ABCA13: variants seen among roughly 807,000 people sequenced by gnomAD.
The protein encoded by ABCA13 is ATP-binding cassette sub-family A member 13.
ABCA13 carries 476 observed loss-of-function variants against 478.7 expected under a neutral mutation model. That is an observed-to-expected ratio of 0.99 (90% CI 0.92 to 1.07). The LOEUF (loss-of-function observed/expected upper bound fraction) is 1.07, where lower values mean the gene tolerates loss of function less well. ABCA13 is among the 50% of genes least tolerant of loss of function. The probability of loss-of-function intolerance (pLI) is 0.00; values close to 1 mark genes in which losing one functional copy is unlikely to be tolerated. For missense variants in ABCA13, 6,060 were observed against 5,910.6 expected (o/e 1.03, Z -0.83); for synonymous variants, 2,252 against 2,158.9 (o/e 1.04, Z -1.20).
chr7:48,206,787 A>AGT (rs59553139), intron 3 of ABCA13, among the ~76,000 whole-genome samples: 14,710 of 151,430 alleles, frequency 0.097, 966 homozygotes, highest in African/African-American at 0.19. Flanking sequence ...CATTTGTGTG[A>AGT]GTGTGTGTGT....
At chr7:48,357,972 T>C (rs1406003296) in intron 31 of ABCA13, among the ~76,000 whole-genome samples, 2 of 150,872 alleles carry the variant, frequency 1.3e-5, no homozygotes, top group South Asian at 2.1e-4. Flanking sequence ...TGAAACCCGG[T>C]TTCTACTCAA....
At chr7:48,534,965 C>G (rs928674892) in intron 55 of ABCA13, among the ~76,000 whole-genome samples, 1 of 152,124 alleles carries the variant, frequency 6.6e-6, no homozygotes, top group Non-Finnish European at 1.5e-5. Context: ...CCTGGCTCCT[C>G]CTTGGTTAGC....
intron 41 of ABCA13, among the ~76,000 whole-genome samples, chr7:48,416,984 T>C (rs1260988826): frequency 6.6e-6 from 1 of 152,128 alleles, no homozygotes; most frequent in African/African-American, 2.4e-5. Context: ...ACAATATTTA[T>C]CTTGAACAGT....
At chr7:48,496,842 G>T (rs1830319531) in intron 48 of ABCA13, among the ~76,000 whole-genome samples, 1 of 151,368 alleles carries the variant, frequency 6.6e-6, no homozygotes, top group Non-Finnish European at 1.5e-5. Context: ...CTTTGTGACG[G>T]CTTTAAAGAA....
intron 52 of ABCA13, among the ~76,000 whole-genome samples, chr7:48,519,775 T>C (rs1189198027): frequency 6.6e-6 from 1 of 152,216 alleles, no homozygotes; most frequent in Non-Finnish European, 1.5e-5. Flanking sequence ...TGTGTAGAGA[T>C]CATTGTGATT....
chr7:48,173,985 A>T (rs1050762312), intron 1 of ABCA13, among the ~76,000 whole-genome samples: 3 of 152,230 alleles, frequency 2.0e-5, no homozygotes, highest in Non-Finnish European at 4.4e-5. Flanking sequence ...GGGTTAGAAC[A>T]GAACTCCAGG....
chr7:48,414,809 G>C (rs778137105), intron 41 of ABCA13, among the ~76,000 whole-genome samples: 1 of 152,038 alleles, frequency 6.6e-6, no homozygotes, highest in Non-Finnish European at 1.5e-5. Flanking sequence ...AGAACAGTTT[G>C]CCTGGTTTCC....
At chr7:48,280,365 C>T (rs1796873371) in intron 18 of ABCA13, among the ~76,000 whole-genome samples, 1 of 152,200 alleles carries the variant, frequency 6.6e-6, no homozygotes, top group South Asian at 2.1e-4. Context: ...CTGCTGGCTT[C>T]TGCCCTTTTT....
At chr7:48,439,813 A>C (rs1823338575) in intron 42 of ABCA13, among the ~76,000 whole-genome samples, 1 of 152,138 alleles carries the variant, frequency 6.6e-6, no homozygotes, top group Admixed American at 6.6e-5. Flanking sequence ...AGCGTTCTTA[A>C]TGAGATCTGT....
chr7:48,511,658 G>A (rs531261093), intron 51 of ABCA13, among the ~76,000 whole-genome samples: 22 of 151,996 alleles, frequency 1.4e-4, no homozygotes, highest in Admixed American at 1.4e-3. Flanking sequence ...TGAAAAAATA[G>A]CAAATGGAGA....
chr7:48,558,961 T>A (rs1786156909), intron 55 of ABCA13, among the ~76,000 whole-genome samples: 1 of 152,216 alleles, frequency 6.6e-6, no homozygotes, highest in Admixed American at 6.5e-5. Context: ...AGTGGCAGCC[T>A]TTTTGCTTTC....
At chr7:48,481,969 A>T (rs1183005259) in intron 46 of ABCA13, among the ~76,000 whole-genome samples, 1 of 152,198 alleles carries the variant, frequency 6.6e-6, no homozygotes, top group Non-Finnish European at 1.5e-5. Flanking sequence ...CTGTGATAGA[A>T]GAGAAGACTA....
chr7:48,246,540 C>A (rs1276729374), intron 13 of ABCA13, among the ~76,000 whole-genome samples: 1 of 152,134 alleles, frequency 6.6e-6, no homozygotes, highest in Non-Finnish European at 1.5e-5. Flanking sequence ...ATTCTTCTTA[C>A]TGAGAATTAA....
intron 59 of ABCA13, among the ~76,000 whole-genome samples, chr7:48,640,552 A>G (rs1396190846): frequency 6.6e-6 from 1 of 152,190 alleles, no homozygotes; most frequent in African/African-American, 2.4e-5. Flanking sequence ...TCTCTATTTA[A>G]TCACCGATTA....
At chr7:48,262,561 C>T (rs1318125426) in intron 15 of ABCA13, among the ~76,000 whole-genome samples, 2 of 151,916 alleles carry the variant, frequency 1.3e-5, no homozygotes, top group African/African-American at 4.8e-5. Flanking sequence ...AACTCTTTCT[C>T]ATCTGCCGTT....
chr7:48,335,077 A>G (rs1401339378), intron 27 of ABCA13, among the ~76,000 whole-genome samples: 2 of 152,220 alleles, frequency 1.3e-5, no homozygotes, highest in African/African-American at 4.8e-5. Flanking sequence ...ACAAGTAAGT[A>G]TTAGTTGAGA....
chr7:48,375,678 A>G (rs1275801811), intron 34 of ABCA13, among the ~76,000 whole-genome samples: 2 of 151,942 alleles, frequency 1.3e-5, no homozygotes, highest in Non-Finnish European at 2.9e-5. Flanking sequence ...GACTCTAGCT[A>G]TTGTTGTATT....
At chr7:48,361,096 G>GA (rs74486985) in intron 31 of ABCA13, among the ~76,000 whole-genome samples, 1,675 of 131,324 alleles carry the variant, frequency 0.013, 33 homozygotes, top group African/African-American at 0.038. Flanking sequence ...ACCCTGTTTG[G>GA]AAAAAAAAAA....
At chr7:48,551,520 T>A (rs1347225722) in intron 55 of ABCA13, among the ~76,000 whole-genome samples, 1 of 151,844 alleles carries the variant, frequency 6.6e-6, no homozygotes, top group Non-Finnish European at 1.5e-5. Flanking sequence ...CCTTTTTCTC[T>A]TCAGTCTTGA....
Sources: allele counts gnomAD v4.1 joint callset (sites outside exome capture counted in the v4.1 genomes callset), GRCh38; gene constraint gnomAD v4.1.1; transcripts MANE v1.5; gene names NCBI Gene and HGNC (gene_info 2026-07-23, HGNC 2026-07-21).